The following RMDN2 variants were observed in gnomAD, a reference collection of about 807,000 sequenced individuals.
RMDN2 encodes the protein regulator of microtubule dynamics 2.
RMDN2 carries 61 observed loss-of-function variants against 52.8 expected under a neutral mutation model. The ratio of observed to expected loss-of-function variants is 1.16; its 90% confidence interval spans 0.94 to 1.43. The LOEUF (loss-of-function observed/expected upper bound fraction) is 1.43, where lower values mean the gene tolerates loss of function less well. RMDN2 is among the 40% of genes most tolerant of loss of function. The probability of loss-of-function intolerance (pLI) is 0.00; values close to 1 mark genes in which losing one functional copy is unlikely to be tolerated. For synonymous variants in RMDN2, 180 were observed against 153.1 expected (o/e 1.18, Z -1.30); for missense variants, 592 against 475.3 (o/e 1.25, Z -2.28).
chr2:38,016,743 C>T (rs181221634), intron 10 of RMDN2, among the ~76,000 whole-genome samples: 1 of 152,204 alleles, frequency 6.6e-6, no homozygotes, highest in East Asian at 1.9e-4. Flanking sequence ...CTACACCCTT[C>T]AGGCAAAGCT....
intron 10 of RMDN2, among the ~76,000 whole-genome samples, chr2:38,035,107 G>A (rs937705818): frequency 3.3e-5 from 5 of 151,948 alleles, no homozygotes; most frequent in South Asian, 2.1e-4. Context: ...CTGAAAGAAC[G>A]AACTACAAAA....
chr2:37,951,480 T>C (rs767089259), intron 2 of RMDN2: 1 of 1,612,268 alleles, frequency 6.2e-7, no homozygotes, highest in Non-Finnish European at 8.5e-7. Context: ...AAGAAATGCT[T>C]CCCCTTACTG....
chr2:37,949,704 A>G (rs1057419179), intron 2 of RMDN2, among the ~76,000 whole-genome samples: 23 of 152,158 alleles, frequency 1.5e-4, no homozygotes, highest in African/African-American at 5.6e-4. Flanking sequence ...GGAAGGGAGC[A>G]AAGGCTAGAG....
chr2:37,931,773 G>A (rs1330371093), intron 2 of RMDN2, among the ~76,000 whole-genome samples: 3 of 152,234 alleles, frequency 2.0e-5, no homozygotes, highest in Non-Finnish European at 4.4e-5. Context: ...ATGAATGACA[G>A]TAACATACAG....
chr2:38,031,354 G>A (rs1304302511), intron 10 of RMDN2, among the ~76,000 whole-genome samples: 1 of 146,656 alleles, frequency 6.8e-6, no homozygotes, highest in East Asian at 2.0e-4. Flanking sequence ...GCTCACTGCA[G>A]CCTTGAACTC....
At chr2:37,962,454 C>T (rs141204944) in intron 2 of RMDN2, among the ~76,000 whole-genome samples, 186 of 152,332 alleles carry the variant, frequency 1.2e-3, no homozygotes, top group African/African-American at 4.3e-3. Context: ...CAGTGGGCTC[C>T]ACCCAGTCCG....
At chr2:38,067,122 A>C in exon 11 of RMDN2, 3 of 874,972 alleles carry the variant, frequency 3.4e-6, no homozygotes, top group Non-Finnish European at 5.7e-6. Flanking sequence ...TTGGCAATAA[A>C]ACATTTCCAC....
chr2:37,933,100 C>T (rs904356847), intron 2 of RMDN2, among the ~76,000 whole-genome samples: 16 of 151,502 alleles, frequency 1.1e-4, no homozygotes, highest in African/African-American at 2.9e-4. Flanking sequence ...CTTCTCAGGG[C>T]GGCTGGGCAG....
rs1242503374 is a variant in RMDN2 at position 37,950,623 on chromosome 2, G to A, written c.452+20894G>A. 3 of 1,608,786 alleles carry A rather than the reference G, an allele frequency of 1.9e-6. No individual in the cohort carries two copies. The Admixed American group carries it at 5.0e-5, about 27-fold the overall frequency. On this transcript the variant is annotated intron_variant, in intron 2 of 10. Coordinates refer to ENST00000354545, the MANE Select transcript of RMDN2 (RefSeq NM_001170791.3). ...AAGCCTTAGAAAAAAACTTCAACAT[G>A]TGCTAAAAGAACATTGAAAATATTC...
intron 10 of RMDN2, chr2:38,012,606 T>C (rs1395764053): frequency 2.1e-6 from 1 of 468,556 alleles, no homozygotes; most frequent in South Asian, 1.6e-5. Flanking sequence ...TCCTCAGTGA[T>C]GTCTCCATTT....
chr2:38,031,138 G>T (rs1680169062), intron 10 of RMDN2, among the ~76,000 whole-genome samples: 1 of 152,036 alleles, frequency 6.6e-6, no homozygotes, highest in Admixed American at 6.5e-5. Flanking sequence ...GTTTCTAAAT[G>T]AGATAATTCA....
At chr2:37,991,498 C>G (rs1029588853) in intron 7 of RMDN2, among the ~76,000 whole-genome samples, 1 of 151,530 alleles carries the variant, frequency 6.6e-6, no homozygotes, top group African/African-American at 2.4e-5. Flanking sequence ...ATTTTAAAAG[C>G]TATAATCTAT....
Position 37,937,822 on chromosome 2 carries a change from A to C in RMDN2, c.452+8093A>C, listed in dbSNP as rs1051543979. On this transcript the variant is annotated intron_variant, in intron 2 of 10. Transcript: ENST00000354545. ...GATGAGGTTTTCTAAATATACAGTC[A>C]TGTCATCTGCAAACAGAGATAATTT... Among the ~76,000 whole-genome samples, 3 of 152,208 alleles carry C rather than the reference A, an allele frequency of 2.0e-5. 1 individual carries two copies. The highest frequency in any genetic ancestry group is 4.1e-4 in the South Asian group (2 of 4,830).
At chr2:38,041,599 C>T (rs921772986) in intron 10 of RMDN2, among the ~76,000 whole-genome samples, 2 of 151,844 alleles carry the variant, frequency 1.3e-5, no homozygotes, top group African/African-American at 2.4e-5. Flanking sequence ...TCTTCTTTAT[C>T]AAGATGAGAA....
chr2:38,021,882 A>T (rs982367012), downstream of RMDN2, among the ~76,000 whole-genome samples: 12 of 152,214 alleles, frequency 7.9e-5, no homozygotes. Flanking sequence ...GCCACAAGCC[A>T]GTTACCAGTA....
intron 4 of RMDN2, among the ~76,000 whole-genome samples, chr2:37,980,006 A>G (rs1001753613): frequency 6.6e-6 from 1 of 152,212 alleles, no homozygotes; most frequent in African/African-American, 2.4e-5. Flanking sequence ...TCTACACAGA[A>G]TATTTATCTT....
At chr2:38,001,388 T>G (rs1402323198) in intron 8 of RMDN2, among the ~76,000 whole-genome samples, 1 of 152,228 alleles carries the variant, frequency 6.6e-6, no homozygotes, top group Non-Finnish European at 1.5e-5. Context: ...ATTGAAACAT[T>G]AGCTAATGCT....
intron 10 of RMDN2, among the ~76,000 whole-genome samples, chr2:38,065,305 A>G (rs1329890346): frequency 6.6e-6 from 1 of 152,200 alleles, no homozygotes; most frequent in Non-Finnish European, 1.5e-5. Context: ...CAAAAAGTGC[A>G]TATTAAGCAT....
intron 10 of RMDN2, among the ~76,000 whole-genome samples, chr2:38,057,565 A>G (rs1014216471): frequency 1.1e-4 from 17 of 152,178 alleles, no homozygotes; most frequent in African/African-American, 3.9e-4. Context: ...CTGGTAGCCA[A>G]TGGAGCCTGA....
Sources: allele counts gnomAD v4.1 joint callset (sites outside exome capture counted in the v4.1 genomes callset), GRCh38; gene constraint gnomAD v4.1.1; transcripts MANE v1.5; gene names NCBI Gene and HGNC (gene_info 2026-07-23, HGNC 2026-07-21).